ZNF34: variants seen among roughly 807,000 people sequenced by gnomAD.
ZNF34 encodes the protein zinc finger protein 34, also known as zinc finger protein 34 (KOX 32).
In ZNF34, 8 loss-of-function variants were observed where a neutral mutation model predicts 14.4. That is an observed-to-expected ratio of 0.55 (90% confidence interval 0.33 to 1.00). The LOEUF (loss-of-function observed/expected upper bound fraction) is 1.00, where lower values mean the gene tolerates loss of function less well. Ranked by LOEUF, ZNF34 falls within the 50% of genes least tolerant of loss-of-function variation. The pLI is 0.03. For missense variants in ZNF34, 538 were observed against 674.2 expected, an observed-to-expected ratio of 0.80 and a Z score of 2.24; for synonymous variants, 235 against 247.9, an observed-to-expected ratio of 0.95 and a Z score of 0.49.
Position 144,774,373 on chromosome 8 carries a change from C to T in ZNF34, c.513G>A (p.Gln171=). ...CACATATATCACATTTGTGAGGTCT[C>T]TGATCAGGAACAGGTCTTGACAGCA... ...LRLLSRPVPD[Q]RPHKCDICEQ... The change falls in exon 6 of 6, where the codon CAG becomes CAA. Residue 171 remains glutamine (Q), a synonymous_variant. Coordinates refer to ENST00000429371, the MANE Select transcript of ZNF34 (RefSeq NM_001286769.2). 1 of 1,613,180 alleles carries T rather than the reference C, an allele frequency of 6.2e-7. No homozygotes were observed. The highest frequency in any genetic ancestry group is 8.5e-7 in the Non-Finnish European group (1 of 1,179,544).
At chr8:144,786,953 G>A (rs1223450627) in intron 1 of ZNF34, among the ~76,000 whole-genome samples, 1 of 152,066 alleles carries the variant, frequency 6.6e-6, no homozygotes, top group Non-Finnish European at 1.5e-5. Context: ...TGGGACCAAG[G>A]GGTCTGGAGC....
rs780318067 is a variant in ZNF34, at chr8:144,778,110, G to C, written c.88C>G (p.Arg30Gly). Residue 30 changes from arginine (R) to glycine (G), a missense_variant, in exon 4 of 6, where the codon CGC (arginine) becomes GGC (glycine). Around this residue, in one of 3 missense-constraint regions of ZNF34, gnomAD observed 431 missense variants for 525.7 expected, o/e 0.82. Transcript: ENST00000429371. Reference protein sequence around the residue: ...AVYLSREEWGRLGPAQRGLYR... With the variant: ...AVYLSREEWGGLGPAQRGLYR... ...AGGCCCCTCTGAGCAGGGCCCAGGCGGCCCCATTCCTCCCGGGAGAGGTAC... is the reference window on the plus strand; with the variant it reads ...AGGCCCCTCTGAGCAGGGCCCAGGCCGCCCCATTCCTCCCGGGAGAGGTAC... 1.7e-5 allele frequency: 27 copies of C among 1,613,844 alleles called. 1 individual carries two copies. In the South Asian group the frequency reaches 3.0e-4, roughly 18 times the overall value.
At position 144,780,894 on chromosome 8, in the gene ZNF34, C is replaced by T. The variant is rs182977806; in HGVS notation, c.-107-614G>A. 5.6e-3 allele frequency among the ~76,000 whole-genome samples: 841 copies of T among 150,192 alleles called. 9 individuals are homozygous for T. Among genetic ancestry groups the T allele is most frequent in the Middle Eastern group, 0.011 (3 of 268 alleles). ...GCTCACCCCTGAAATCCCAACACTTCGGGTGGCTGAGGCGGGTGGATGGCG... is the reference window on the plus strand; with the variant it reads ...GCTCACCCCTGAAATCCCAACACTTTGGGTGGCTGAGGCGGGTGGATGGCG... On this transcript the variant is annotated intron_variant, in intron 1 of 5. Transcript: ENST00000429371.
intron 1 of ZNF34, among the ~76,000 whole-genome samples, chr8:144,781,005 G>A (rs374677308): frequency 2.0e-5 from 3 of 150,860 alleles, no homozygotes; most frequent in Non-Finnish European, 4.4e-5. Flanking sequence ...GCGTGGTGGC[G>A]GGGGCCTATA....
At chr8:144,783,217 C>T (rs1377279068) in intron 1 of ZNF34, among the ~76,000 whole-genome samples, 1 of 152,100 alleles carries the variant, frequency 6.6e-6, no homozygotes, top group Non-Finnish European at 1.5e-5. Context: ...GGAAGCATAG[C>T]AGTAGTTCTC....
chr8:144,773,194 G>GCT lies in ZNF34; in HGVS notation c.*71_*72insAG. 1 of 1,466,976 alleles carries GCT rather than the reference G, an allele frequency of 6.8e-7. No individual in the cohort carries two copies. The highest frequency in any genetic ancestry group is 9.1e-7 in the Non-Finnish European group (1 of 1,095,512). The allele number at this position is 1,466,976 out of a possible 1,614,324, so 90.9% of individuals were successfully genotyped here. ...AACATCGTGTGGATAATACATAAAG[G>GCT]GCAGAGTCAGGTGCCGGGGGCGCAT... On this transcript the variant is annotated 3_prime_UTR_variant, in exon 6 of 6. Transcript: ENST00000429371. The surrounding 1 kb of genome is among the most constrained non-coding windows in gnomAD (Gnocchi z 5.4).
Position 144,774,612 on chromosome 8 carries a change from C to CA in ZNF34, c.281-8dup. 6.3e-7 allele frequency: 1 copy of CA among 1,598,528 alleles called. No homozygotes were observed. Among genetic ancestry groups the CA allele is most frequent in the Non-Finnish European group, 8.5e-7 (1 of 1,173,928 alleles). ...TCAGTTCTGGTCCCAAGAGCTGAAA[C>CA]AAAAAACAGAACATCTAAGGGTCAC... On this transcript the variant is annotated splice_region_variant and splice_polypyrimidine_tract_variant and intron_variant, in intron 5 of 5. Transcript: ENST00000429371.
At chr8:144,776,681 G>A (rs1825538123) in intron 5 of ZNF34, among the ~76,000 whole-genome samples, 1 of 152,074 alleles carries the variant, frequency 6.6e-6, no homozygotes, top group Non-Finnish European at 1.5e-5. Context: ...AGGCCAAGGC[G>A]AGAGGATCGC....
At position 144,777,985 on chromosome 8, in the gene ZNF34, A is replaced by G; in HGVS notation, c.160+53T>C. On this transcript the variant is annotated intron_variant, in intron 4 of 5. Coordinates refer to ENST00000429371, the MANE Select transcript of ZNF34 (RefSeq NM_001286769.2). The surrounding 1 kb of genome is among the most constrained non-coding windows in gnomAD (Gnocchi z 4.8). ...GAGGCCCCTAGCCCAGCCTCTGCTG[A>G]GCCCTTAGCCCCCAGGGCTGTTCCC... The G allele has an allele frequency of 1.9e-6, 3 of 1,605,258 alleles. No individual in the cohort carries two copies. The highest frequency in any genetic ancestry group is 2.6e-6 in the Non-Finnish European group (3 of 1,175,834).
intron 3 of ZNF34, 85 bp downstream of exon 3, chr8:144,778,354 A>T (rs1347227337): frequency 7.1e-7 from 1 of 1,406,196 alleles, no homozygotes; most frequent in Non-Finnish European, 9.5e-7. Context: ...TCATGTCAGC[A>T]TCCCAAACCA....
chr8:144,782,502 A>T (rs186309071), intron 1 of ZNF34, among the ~76,000 whole-genome samples: 23 of 151,870 alleles, frequency 1.5e-4, no homozygotes, highest in African/African-American at 5.3e-4. Context: ...AAAACAAAAA[A>T]CAAAAAACAA....
intron 1 of ZNF34, among the ~76,000 whole-genome samples, chr8:144,786,661 GGAAGA>G (rs143481895): frequency 2.6e-5 from 4 of 151,252 alleles, no homozygotes; most frequent in Admixed American, 2.6e-4. Flanking sequence ...AAGGAAAGAA[GGAAGA>G]GAAGAGAAAA....
At chr8:144,778,303 C>A in intron 3 of ZNF34, 136 bp downstream of exon 3, 1 of 1,398,920 alleles carries the variant, frequency 7.1e-7, no homozygotes, top group South Asian at 1.4e-5. Flanking sequence ...TAATACATCC[C>A]AAGGGGTGGC....
At chr8:144,781,075 C>CAGTG (rs1468210699) in intron 1 of ZNF34, among the ~76,000 whole-genome samples, 1 of 148,494 alleles carries the variant, frequency 6.7e-6, no homozygotes, top group Non-Finnish European at 1.5e-5. Flanking sequence ...GCAGAGCTTG[C>CAGTG]AGTGAGCTGA....
Position 144,773,666 on chromosome 8 carries a change from A to G in ZNF34, c.1220T>C (p.Phe407Ser). Residue 407 changes from phenylalanine to serine, a missense_variant, in exon 6 of 6, where the codon TTC (phenylalanine) becomes TCC (serine). Phe to Ser is a radical substitution (Grantham distance 155). Transcript: ENST00000429371. The surrounding 1 kb of genome is among the most constrained non-coding windows in gnomAD (Gnocchi z 5.4). ...TTCCACGAGTTTGGTTTTTTGAATG[A>G]AAGCTTTCTCACATTCATTACATTT... ...PYKCNECEKA[F>S]IQKTKLVEHQ... 1 of 1,614,048 alleles carries G rather than the reference A, an allele frequency of 6.2e-7. No homozygotes were observed. The highest frequency in any genetic ancestry group is 8.5e-7 in the Non-Finnish European group (1 of 1,179,974).
In ZNF34 at chr8:144,774,326, G is replaced by T; in HGVS notation, c.560C>A (p.Ser187Ter). 6.2e-7 allele frequency: 1 copy of T among 1,612,236 alleles called. No homozygotes were observed. Among genetic ancestry groups the T allele is most frequent in the Non-Finnish European group, 8.5e-7 (1 of 1,179,010 alleles). ...TACACGCTTATGGTTGTTGAGATAT[G>T]ATCTCTGTTCAAAACTTTGCTCACA... Reference protein sequence around the residue: ...DICEQSFEQRSYLNNHKRVHR... With the variant: ...DICEQSFEQR The change falls in exon 6 of 6, where the codon TCA (serine) becomes TAA (stop). Residue 187 changes from serine (S) to a stop codon, truncating the protein, a stop_gained. Transcript: ENST00000429371. LOFTEE classifies it low-confidence loss of function (END_TRUNC).
chr8:144,780,155 C>G (rs1007122049), intron 2 of ZNF34, 73 bp downstream of exon 2: 1 of 1,172,168 alleles, frequency 8.5e-7, no homozygotes. Context: ...TGTGATCGCA[C>G]CACTGCACTC....
intron 1 of ZNF34, among the ~76,000 whole-genome samples, chr8:144,786,882 C>T (rs550455514): frequency 6.6e-6 from 1 of 151,988 alleles, no homozygotes; most frequent in Non-Finnish European, 1.5e-5. Context: ...CGAGCCCCGC[C>T]CCTGAAAAGC....
In ZNF34 at chr8:144,777,655, G is replaced by C; in HGVS notation, c.161-78C>G. On this transcript the variant is annotated intron_variant, in intron 4 of 5. Coordinates refer to ENST00000429371, the MANE Select transcript of ZNF34 (RefSeq NM_001286769.2). This position sits in a 1 kb window ranked among gnomAD's most constrained non-coding sequence, Gnocchi z 4.8. ...AGTGCTGTCTCACCCTGGGGCTGCAGGGTAAGGGAGGCACAGGCAGAGGGG... is the reference window on the plus strand; with the variant it reads ...AGTGCTGTCTCACCCTGGGGCTGCACGGTAAGGGAGGCACAGGCAGAGGGG... The C allele has an allele frequency of 6.7e-7, 1 of 1,498,262 alleles. No homozygotes were observed. The highest frequency in any genetic ancestry group is 9.0e-7 in the Non-Finnish European group (1 of 1,114,942). The allele number at this position is 1,498,262 out of a possible 1,614,324, so 92.8% of individuals were successfully genotyped here.
Sources: gnomAD v4.1 joint callset for allele counts (sites outside exome capture counted in the v4.1 genomes callset) on GRCh38, gnomAD v4.1.1 for gene constraint, gnomAD v4.1.1 regional missense constraint, Gnocchi (gnomAD v3.1) non-coding constraint, MANE v1.5 for transcripts, NCBI Gene and HGNC (gene_info 2026-07-23, HGNC 2026-07-21) for gene names.